Variants in NRG2 observed in about 807,000 individuals in gnomAD.
NRG2 encodes pro-neuregulin-2, membrane-bound isoform.
In NRG2, 27 loss-of-function variants were observed where a neutral mutation model predicts 73.9. The observed-to-expected ratio is 0.37, with a 90% confidence interval of 0.27 to 0.50. NRG2 has a LOEUF of 0.50. Ranked by LOEUF, NRG2 falls within the 20% of genes least tolerant of loss-of-function variation. The pLI, the probability that NRG2 is intolerant of heterozygous loss-of-function variation, is 0.96. For missense variants in NRG2, 1,126 were observed against 1,210.1 expected (o/e 0.93, Z 1.03); for synonymous variants, 532 against 541.0 (o/e 0.98, Z 0.23).
At position 139,852,448 on chromosome 5, in the gene NRG2, G is replaced by GTGTGGC. The variant is rs776043731; in HGVS notation, c.1522_1527dup (p.Ala508_Thr509dup). ...GGTGCCTACCTGTGGCTGGAGGTGG[G>GTGTGGC]TGTGGCTGTGGAGCAGTGGTGAGAA... is the stretch of plus-strand genomic sequence containing the variant. On this transcript the variant is annotated inframe_insertion, in exon 8 of 10. Transcript: ENST00000361474. The surrounding 1 kb of genome is among the most constrained non-coding windows in gnomAD (Gnocchi z 4.4). The GTGTGGC allele has an allele frequency of 9.9e-6, 16 of 1,613,814 alleles. No individual in the cohort carries two copies. Among genetic ancestry groups the GTGTGGC allele is most frequent in the Middle Eastern group, 1.7e-4 (1 of 6,002 alleles).
intron 1 of NRG2, among the ~76,000 whole-genome samples, chr5:140,030,158 C>G (rs1251333301): frequency 6.6e-6 from 1 of 152,182 alleles, no homozygotes; most frequent in Non-Finnish European, 1.5e-5. Flanking sequence ...CTCACTCCTA[C>G]TCTGGAAGGA....
At position 139,947,059 on chromosome 5, in the gene NRG2, G is replaced by A. The variant is rs144814043; in HGVS notation, c.701-59548C>T. Among the ~76,000 whole-genome samples, 15 of 151,712 alleles carry A rather than the reference G, an allele frequency of 9.9e-5. No individual in the cohort carries two copies. The East Asian group carries it at 1.7e-3, about 18-fold the overall frequency. On this transcript the variant is annotated intron_variant, in intron 1 of 9. Transcript: ENST00000361474. Reference sequence around the variant, plus strand: ...GGTGAGGATGTGGAGAAATTTGAACGCTTGTGCATTGCTGGCAAAACAGTT... The same window carrying A: ...GGTGAGGATGTGGAGAAATTTGAACACTTGTGCATTGCTGGCAAAACAGTT...
chr5:140,041,171 T>G (rs765747432), intron 1 of NRG2, among the ~76,000 whole-genome samples: 8 of 152,190 alleles, frequency 5.3e-5, no homozygotes, highest in Non-Finnish European at 1.0e-4. Context: ...CCAGAATCAG[T>G]TGGTAAAACT....
In NRG2 at chr5:139,897,775, A is replaced by T. The variant is rs371095108; in HGVS notation, c.701-10264T>A. On this transcript the variant is annotated intron_variant, in intron 1 of 9. Transcript: ENST00000361474. ...CCCACCCAACACTCCTCCCCAACTCATCCCTCTCCCTCCCTGCCAGCCCAA... is the reference window on the plus strand; with the variant it reads ...CCCACCCAACACTCCTCCCCAACTCTTCCCTCTCCCTCCCTGCCAGCCCAA... Among the ~76,000 whole-genome samples the T allele has an allele frequency of 1.1e-4, 16 of 152,134 alleles. No homozygotes were observed. The East Asian group carries it at 3.1e-3, about 29-fold the overall frequency.
In NRG2 at chr5:140,042,965, G is replaced by GCTGCTGCTC; in HGVS notation, c.96_104dup (p.Arg32_Ser34dup). The GCTGCTGCTC allele has an allele frequency of 6.5e-7, 1 of 1,548,110 alleles. No individual in the cohort carries two copies. The highest frequency in any genetic ancestry group is 8.7e-7 in the Non-Finnish European group (1 of 1,149,444). On this transcript the variant is annotated inframe_insertion, in exon 1 of 10. Coordinates refer to ENST00000361474, the MANE Select transcript of NRG2 (RefSeq NM_004883.3). ...CGCTCTCGCTGCTGCTGCTGCTGCT[G>GCTGCTGCTC]CTGCTGCTCCTCTCGCTGCTGCTGC...
rs1761533241 is a variant in NRG2 at position 139,852,719 on chromosome 5, C to G, written c.1417-160G>C. 6.6e-6 allele frequency among the ~76,000 whole-genome samples: 1 copy of G among 152,214 alleles called. No individual in the cohort carries two copies. Among genetic ancestry groups the G allele is most frequent in the African/African-American group, 2.4e-5 (1 of 41,442 alleles). The stretch of plus-strand genomic sequence containing the variant: ...TGGGGCAGCGATGGCTCCAGCAAAT[C>G]AACCCCCACCCCTTCCTCATGGAAG... On this transcript the variant is annotated intron_variant, in intron 7 of 9. Coordinates refer to ENST00000361474, the MANE Select transcript of NRG2 (RefSeq NM_004883.3). The surrounding 1 kb of genome is among the most constrained non-coding windows in gnomAD (Gnocchi z 4.4).
Position 139,870,070 on chromosome 5 carries a change from G to C in NRG2, c.1112+1651C>G, listed in dbSNP as rs1762739316. ...AGTGTGTATGTCACAGGGAGGAGGA[G>C]GGTGCAGGAGACAAGGAAATGGGGA... On this transcript the variant is annotated intron_variant, in intron 4 of 9. Transcript: ENST00000361474. This position sits in a 1 kb window ranked among gnomAD's most constrained non-coding sequence, Gnocchi z 4.4. Among the ~76,000 whole-genome samples the C allele has an allele frequency of 6.6e-6, 1 of 152,208 alleles. No homozygotes were observed. Among genetic ancestry groups the C allele is most frequent in the Admixed American group, 6.5e-5 (1 of 15,282 alleles).
intron 1 of NRG2, among the ~76,000 whole-genome samples, chr5:139,959,252 T>G (rs1754880720): frequency 6.6e-6 from 1 of 152,198 alleles, no homozygotes; most frequent in Admixed American, 6.5e-5. Flanking sequence ...CAGGCTGGAG[T>G]GCAATGGCAC....
intron 1 of NRG2, among the ~76,000 whole-genome samples, chr5:140,005,359 C>A (rs1758810961): frequency 1.3e-5 from 2 of 152,202 alleles, no homozygotes; most frequent in Non-Finnish European, 2.9e-5. Flanking sequence ...GGTGCTTCCC[C>A]ATACTCTCAC....
intron 5 of NRG2, chr5:139,860,006 T>C (rs912015933): frequency 1.5e-6 from 2 of 1,301,304 alleles, no homozygotes; most frequent in African/African-American, 3.0e-5. Flanking sequence ...ACAGAAACGT[T>C]GGTCAGGACT....
chr5:139,857,684 G>C (rs1761892077), intron 5 of NRG2, among the ~76,000 whole-genome samples: 1 of 151,974 alleles, frequency 6.6e-6, no homozygotes, highest in African/African-American at 2.4e-5. Context: ...GCATCCAAGG[G>C]CCACGACCAA....
intron 1 of NRG2, among the ~76,000 whole-genome samples, chr5:139,945,819 A>G (rs572786664): frequency 6.6e-6 from 1 of 152,210 alleles, no homozygotes; most frequent in African/African-American, 2.4e-5. Flanking sequence ...TACACTTGCA[A>G]TGAACAATTT....
At chr5:139,967,116 C>T (rs1311136677) in intron 1 of NRG2, among the ~76,000 whole-genome samples, 6 of 152,200 alleles carry the variant, frequency 3.9e-5, no homozygotes, top group Middle Eastern at 3.4e-3. Flanking sequence ...GCATAGCCCA[C>T]GGGGATAGGG....
chr5:140,017,281 G>C (rs568956729), intron 1 of NRG2, among the ~76,000 whole-genome samples: 2 of 152,148 alleles, frequency 1.3e-5, no homozygotes, highest in Non-Finnish European at 2.9e-5. Flanking sequence ...GTTTGGAAAG[G>C]GGGTGAGAGT....
chr5:139,882,274 A>G (rs1763572256), intron 2 of NRG2, among the ~76,000 whole-genome samples: 2 of 152,062 alleles, frequency 1.3e-5, no homozygotes, highest in African/African-American at 4.8e-5. Context: ...AGGAGACGCA[A>G]ACTGGCCCAC....
chr5:139,871,555 T>C (rs891630617), intron 4 of NRG2, among the ~76,000 whole-genome samples, 166 bp downstream of exon 4: 1 of 152,060 alleles, frequency 6.6e-6, no homozygotes, highest in Non-Finnish European at 1.5e-5. Context: ...TTATATCTCC[T>C]TATATTCCAG....
intron 1 of NRG2, among the ~76,000 whole-genome samples, chr5:139,984,313 A>G (rs1757012466): frequency 6.6e-6 from 1 of 152,234 alleles, no homozygotes; most frequent in African/African-American, 2.4e-5. Context: ...AACATCAGCC[A>G]TTAAAAATGA....
At chr5:139,985,694 T>C (rs1194054029) in intron 1 of NRG2, among the ~76,000 whole-genome samples, 1 of 152,202 alleles carries the variant, frequency 6.6e-6, no homozygotes, top group African/African-American at 2.4e-5. Flanking sequence ...GGTCCCAGGC[T>C]TCCCAATCTC....
At chr5:139,902,695 A>G (rs1262496401) in intron 1 of NRG2, among the ~76,000 whole-genome samples, 1 of 152,058 alleles carries the variant, frequency 6.6e-6, no homozygotes, top group Non-Finnish European at 1.5e-5. Flanking sequence ...CCAAGGTAGG[A>G]TGTGTATGTA....
Sources: gnomAD v4.1 joint callset for allele counts (sites outside exome capture counted in the v4.1 genomes callset) on GRCh38, gnomAD v4.1.1 for gene constraint, Gnocchi (gnomAD v3.1) non-coding constraint, MANE v1.5 for transcripts, NCBI Gene and HGNC (gene_info 2026-07-23, HGNC 2026-07-21) for gene names.